ZBTB38: variants seen among roughly 807,000 people sequenced by gnomAD.
The protein encoded by ZBTB38 is zinc finger and BTB domain-containing protein 38.
Under a neutral mutation model 76.8 loss-of-function variants are expected in ZBTB38, and 20 were observed. The ratio of observed to expected loss-of-function variants is 0.26; its 90% CI spans 0.18 to 0.38. ZBTB38 has a LOEUF of 0.38. ZBTB38 is among the 10% of genes least tolerant of loss of function. The pLI, the probability that ZBTB38 is intolerant of heterozygous loss-of-function variation, is 1.00. For missense variants in ZBTB38, 1,082 were observed against 1,482.3 expected, an observed-to-expected ratio of 0.73 and a Z score of 4.43; for synonymous variants, 504 against 544.2, an observed-to-expected ratio of 0.93 and a Z score of 1.03.
intron 5 of ZBTB38, among the ~76,000 whole-genome samples, chr3:141,421,213 G>C (rs1419785641): frequency 6.6e-6 from 1 of 151,394 alleles, no homozygotes; most frequent in Non-Finnish European, 1.5e-5. Context: ...TGGGGTCCTA[G>C]CATCTGCCAT....
chr3:141,335,757 C>T (rs181394743), intron 1 of ZBTB38, among the ~76,000 whole-genome samples: 2 of 152,332 alleles, frequency 1.3e-5, no homozygotes, highest in Admixed American at 6.5e-5. Flanking sequence ...CAATCACATC[C>T]GCATGCTGTT....
chr3:141,424,336 T>C (rs529628940), intron 5 of ZBTB38, among the ~76,000 whole-genome samples: 7 of 152,094 alleles, frequency 4.6e-5, no homozygotes, highest in African/African-American at 1.7e-4. Context: ...CTAGGCAACA[T>C]GGCAAGACCC....
intron 1 of ZBTB38, among the ~76,000 whole-genome samples, chr3:141,334,416 CCT>C (rs1942948860): frequency 8.1e-6 from 1 of 124,064 alleles, no homozygotes; most frequent in African/African-American, 3.5e-5. Context: ...TTCCTTCCTT[CCT>C]TCCTTCCTTC....
In ZBTB38 at chr3:141,443,174, A is replaced by G; in HGVS notation, c.786A>G (p.Thr262=). ...AAGCCCTTGCAGCGAAACCGAAAAC[A>G]TGCCGGAAGCCAAAGACATTCTCCA... ...NCEALAAKPK[T]CRKPKTFSIP... The change falls in exon 6 of 6, where the codon ACA becomes ACG. Residue 262 remains threonine (T), a synonymous_variant. Transcript: ENST00000321464. This position sits in a 1 kb window ranked among gnomAD's most constrained non-coding sequence, Gnocchi z 5.6. 1 of 1,614,250 alleles carries G rather than the reference A, an allele frequency of 6.2e-7. No individual in the cohort carries two copies. The highest frequency in any genetic ancestry group is 8.5e-7 in the Non-Finnish European group (1 of 1,180,050).
rs2080715059 is a variant in ZBTB38, at chr3:141,443,759, A to G, written c.1371A>G (p.Gln457=). The stretch of plus-strand genomic sequence containing the variant: ...ACATGGTTAAATTTGTTAATGGGCA[A>G]ATGCTCTACAGTTGCGTTGTGTGCA... The part of the protein sequence containing the change: ...TDHMVKFVNG[Q]MLYSCVVCKR... Residue 457 remains glutamine (Q), a synonymous_variant, in exon 6 of 6, where the codon CAA becomes CAG. Coordinates refer to ENST00000321464, the MANE Select transcript of ZBTB38 (RefSeq NM_001376113.1). The surrounding 1 kb of genome is among the most constrained non-coding windows in gnomAD (Gnocchi z 5.6). The G allele has an allele frequency of 1.2e-6, 2 of 1,613,806 alleles. No homozygotes were observed. The highest frequency in any genetic ancestry group is 8.5e-7 in the Non-Finnish European group (1 of 1,180,054).
chr3:141,449,256 T>TA lies in ZBTB38; in HGVS notation c.*3283dup, dbSNP rs2081324310. The TA allele has an allele frequency of 1.3e-5, 2 of 152,282 alleles. No individual in the cohort carries two copies. The highest frequency in any genetic ancestry group is 4.8e-5 in the African/African-American group (2 of 41,554). The allele number at this position is 152,282 out of a possible 1,614,324, so 9.4% of individuals were successfully genotyped here. A position where few individuals can be genotyped will look rare whatever the true frequency, so the allele number is the denominator to read the frequency against. On this transcript the variant is annotated 3_prime_UTR_variant, in exon 6 of 6. Coordinates refer to ENST00000321464, the MANE Select transcript of ZBTB38 (RefSeq NM_001376113.1). ...CAGAGTATGAGGAAAGGAGATATGA[T>TA]AAAGTAATGCAGCTTTAGGATGGCA...
At chr3:141,346,598 G>C (rs1943360784) in intron 1 of ZBTB38, among the ~76,000 whole-genome samples, 1 of 152,174 alleles carries the variant, frequency 6.6e-6, no homozygotes, top group South Asian at 2.1e-4. Context: ...TTGGTGTAAA[G>C]TTTTACTGAA....
intron 5 of ZBTB38, among the ~76,000 whole-genome samples, chr3:141,433,898 A>C (rs150104561): frequency 6.6e-6 from 1 of 152,224 alleles, no homozygotes; most frequent in East Asian, 1.9e-4. Context: ...ATCTCCTAAA[A>C]GTGTGTTTTT....
intron 5 of ZBTB38, among the ~76,000 whole-genome samples, chr3:141,420,762 G>T (rs187092302): frequency 1.3e-5 from 2 of 152,220 alleles, no homozygotes; most frequent in African/African-American, 4.8e-5. Context: ...AGTCATCACC[G>T]TCCTGAACTT....
Position 141,408,361 on chromosome 3 carries a change from A to G in ZBTB38, c.-1+4330A>G, listed in dbSNP as rs530567024. On this transcript the variant is annotated intron_variant, in intron 5 of 5. Transcript: ENST00000321464. ...CAGGAGTTCGGGACCAGCCTGGCCA[A>G]CGTGGCAAAACCCCATCTCTACTGA... 2.0e-4 allele frequency among the ~76,000 whole-genome samples: 30 copies of G among 152,346 alleles called. 1 individual carries two copies. In the South Asian group the frequency reaches 5.8e-3, roughly 29 times the overall value.
intron 1 of ZBTB38, among the ~76,000 whole-genome samples, chr3:141,351,659 G>C (rs149339060): frequency 0.012 from 1,747 of 150,056 alleles, 23 homozygotes; most frequent in South Asian, 0.053. Flanking sequence ...CTTGAGCCTG[G>C]GAGTTAGCTG....
At position 141,440,482 on chromosome 3, in the gene ZBTB38, A is replaced by G. The variant is rs1394975458; in HGVS notation, c.1-1907A>G. Among the ~76,000 whole-genome samples, 7 of 152,242 alleles carry G rather than the reference A, an allele frequency of 4.6e-5. No homozygotes were observed. The South Asian group carries it at 6.2e-4, about 13-fold the overall frequency. On this transcript the variant is annotated intron_variant, in intron 5 of 5. Transcript: ENST00000321464. ...TGGTCCATCCAACTAAATAAATGCC[A>G]TGAGCTAAATGTTATACTTTACTGC...
intron 1 of ZBTB38, among the ~76,000 whole-genome samples, chr3:141,345,544 G>A (rs554929625): frequency 6.6e-6 from 1 of 152,246 alleles, no homozygotes; most frequent in South Asian, 2.1e-4. Flanking sequence ...TAGTGCTTCT[G>A]CTAATTCAAC....
Position 141,446,083 on chromosome 3 carries a change from TAAAAA to T in ZBTB38, c.*117_*121del. ...TGTGACAGTCATGAAGGAGTGAAAT[TAAAAA>T]AAAAAAAAACTCATTTGTGAAAATT... is the stretch of plus-strand genomic sequence containing the variant. On this transcript the variant is annotated 3_prime_UTR_variant, in exon 6 of 6. Coordinates refer to ENST00000321464, the MANE Select transcript of ZBTB38 (RefSeq NM_001376113.1). The T allele has an allele frequency of 1.4e-6, 1 of 701,076 alleles. No individual in the cohort carries two copies. Among genetic ancestry groups the T allele is most frequent in the East Asian group, 3.4e-5 (1 of 29,074 alleles). The allele number at this position is 701,076 out of a possible 1,614,324, so 43.4% of individuals were successfully genotyped here. A position where few individuals can be genotyped will look rare whatever the true frequency, so the allele number is the denominator to read the frequency against.
rs1186574050 is a variant in ZBTB38 at position 141,446,017 on chromosome 3, G to T, written c.*41G>T. The T allele has an allele frequency of 2.7e-6, 4 of 1,482,100 alleles. No homozygotes were observed. Among genetic ancestry groups the T allele is most frequent in the African/African-American group, 2.8e-5 (2 of 71,106 alleles). The allele number at this position is 1,482,100 out of a possible 1,614,324, so 91.8% of individuals were successfully genotyped here. On this transcript the variant is annotated 3_prime_UTR_variant, in exon 6 of 6. Coordinates refer to ENST00000321464, the MANE Select transcript of ZBTB38 (RefSeq NM_001376113.1). ...AAAATCTTCAAAAATATAGTTGGTG[G>T]TTTTTTTAGTTATGATTTAAGTTTA...
At chr3:141,355,780 C>T (rs908198235) in intron 1 of ZBTB38, among the ~76,000 whole-genome samples, 2 of 152,166 alleles carry the variant, frequency 1.3e-5, no homozygotes, top group African/African-American at 4.8e-5. Context: ...CAACTGTCTC[C>T]ACCATCCTGA....
In ZBTB38 at chr3:141,380,605, T is replaced by C. The variant is rs372643934; in HGVS notation, c.-234-820T>C. On this transcript the variant is annotated intron_variant, in intron 2 of 5. Coordinates refer to ENST00000321464, the MANE Select transcript of ZBTB38 (RefSeq NM_001376113.1). ...AAAACATCCTCAGTGAGCCTCTCCA[T>C]GGTGTTAGGAAATGCTCTAGTGCCC... 5.3e-5 allele frequency among the ~76,000 whole-genome samples: 8 copies of C among 152,298 alleles called. No individual in the cohort carries two copies. In the East Asian group the frequency reaches 1.3e-3, roughly 26 times the overall value.
chr3:141,379,527 A>G (rs1403979156), intron 2 of ZBTB38, among the ~76,000 whole-genome samples: 1 of 152,196 alleles, frequency 6.6e-6, no homozygotes, highest in Non-Finnish European at 1.5e-5. Context: ...GATGAGAGGG[A>G]CAGCGGTGCT....
chr3:141,371,045 C>CTTTCTTTTTTTTTTTTTTTTT (rs1944498561), intron 2 of ZBTB38, among the ~76,000 whole-genome samples: 6 of 72,012 alleles, frequency 8.3e-5, no homozygotes, highest in African/African-American at 3.1e-4. Flanking sequence ...TTCTTTCTTT[C>CTTTCTTTTTTTTTTTTTTTTT]TTTTTTTTTT....
Sources: gnomAD v4.1 joint callset for allele counts (sites outside exome capture counted in the v4.1 genomes callset) on GRCh38, gnomAD v4.1.1 for gene constraint, Gnocchi (gnomAD v3.1) non-coding constraint, MANE v1.5 for transcripts, NCBI Gene and HGNC (gene_info 2026-07-23, HGNC 2026-07-21) for gene names.